CERS6: variants seen among roughly 807,000 people sequenced by gnomAD.
The protein encoded by CERS6 is LAG1 homolog, ceramide synthase 6.
A neutral mutation model predicts 56.8 loss-of-function variants in CERS6; 26 were observed. That is an observed-to-expected ratio of 0.46 (90% confidence interval 0.34 to 0.63). The LOEUF (loss-of-function observed/expected upper bound fraction) is 0.63, where lower values mean the gene tolerates loss of function less well. Ranked by LOEUF, CERS6 falls within the 30% of genes least tolerant of loss-of-function variation. The pLI, the probability that CERS6 is intolerant of heterozygous loss-of-function variation, is 0.01. For missense variants in CERS6, 415 were observed against 467.5 expected, an observed-to-expected ratio of 0.89 and a Z score of 1.04; for synonymous variants, 164 against 173.3, an observed-to-expected ratio of 0.95 and a Z score of 0.42.
chr2:168,539,681 G>A (rs1259768034), intron 1 of CERS6, among the ~76,000 whole-genome samples: 2 of 152,182 alleles, frequency 1.3e-5, no homozygotes, highest in Non-Finnish European at 2.9e-5. Context: ...GTTCTGGTCA[G>A]TTTTAAATTG....
chr2:168,561,276 C>T lies in CERS6; in HGVS notation c.361C>T (p.Arg121Cys), dbSNP rs187342645. The stretch of plus-strand genomic sequence containing the variant: ...CATTCAGCGCTGGTTTCGACAAAGA[C>T]GCAATCAGGAGAAGCCAAGCACGCT... Reference protein sequence around the residue: ...RSIQRWFRQRRNQEKPSTLTR... With the variant: ...RSIQRWFRQRCNQEKPSTLTR... The change falls in exon 3 of 10, where the codon CGC becomes TGC. Residue 121 changes from arginine to cysteine, a missense_variant. Transcript: ENST00000305747. 8.8e-5 allele frequency: 142 copies of T among 1,614,122 alleles called. No individual in the cohort carries two copies. The highest frequency in any genetic ancestry group is 6.6e-4 in the Middle Eastern group (4 of 6,060).
chr2:168,458,102 T>G (rs534405371), intron 1 of CERS6, among the ~76,000 whole-genome samples: 7 of 152,146 alleles, frequency 4.6e-5, no homozygotes, highest in Non-Finnish European at 8.8e-5. Flanking sequence ...ACAGAAAATA[T>G]GAACTCTATA....
At chr2:168,563,458 A>G (rs1050696033) in intron 3 of CERS6, among the ~76,000 whole-genome samples, 1 of 152,228 alleles carries the variant, frequency 6.6e-6, no homozygotes, top group Non-Finnish European at 1.5e-5. Flanking sequence ...TGGAAATAAG[A>G]CATAATATCT....
At chr2:168,674,333 G>C (rs1477744058) in intron 4 of CERS6, among the ~76,000 whole-genome samples, 2 of 152,088 alleles carry the variant, frequency 1.3e-5, no homozygotes, top group Non-Finnish European at 2.9e-5. Context: ...TTATCTCAAA[G>C]GCCATCCCTT....
At chr2:168,635,458 A>ATC (rs1559029968) in intron 4 of CERS6, among the ~76,000 whole-genome samples, 2 of 151,948 alleles carry the variant, frequency 1.3e-5, no homozygotes, top group Admixed American at 6.6e-5. Context: ...AGCAAGTCCC[A>ATC]TCTTCCTCTT....
At chr2:168,578,775 T>TA (rs1683339025) in intron 3 of CERS6, among the ~76,000 whole-genome samples, 1 of 152,092 alleles carries the variant, frequency 6.6e-6, no homozygotes, top group African/African-American at 2.4e-5. Context: ...AATAAGCAAA[T>TA]AAAAACCGTA....
intron 4 of CERS6, among the ~76,000 whole-genome samples, chr2:168,681,429 A>G (rs866217305): frequency 4.3e-4 from 66 of 152,378 alleles, no homozygotes; most frequent in Middle Eastern, 3.4e-3. Context: ...GTGGCAGTGT[A>G]TTATTAACAC....
At chr2:168,502,267 G>C (rs896251645) in intron 1 of CERS6, among the ~76,000 whole-genome samples, 1 of 152,094 alleles carries the variant, frequency 6.6e-6, no homozygotes, top group African/African-American at 2.4e-5. Flanking sequence ...TGTCTCGGGG[G>C]TTGAAAGAAC....
chr2:168,666,045 C>G (rs1685752757), intron 4 of CERS6, among the ~76,000 whole-genome samples: 3 of 148,060 alleles, frequency 2.0e-5, no homozygotes, highest in Non-Finnish European at 3.0e-5. Context: ...TCCCATATAC[C>G]CTTCACCCTG....
chr2:168,489,984 T>C (rs1558969316), intron 1 of CERS6, among the ~76,000 whole-genome samples: 1 of 152,290 alleles, frequency 6.6e-6, no homozygotes, highest in East Asian at 1.9e-4. Context: ...AAAATTTCTT[T>C]TAGCAGGCAA....
chr2:168,570,129 G>T (rs1262872687), intron 3 of CERS6, among the ~76,000 whole-genome samples: 3 of 152,168 alleles, frequency 2.0e-5, no homozygotes, highest in Admixed American at 6.6e-5. Flanking sequence ...CCAAGAAGAT[G>T]CAAGGAGAGC....
At chr2:168,630,839 A>G in intron 3 of CERS6, 146 bp from the exon 4 acceptor site, 3 of 432,854 alleles carry the variant, frequency 6.9e-6, no homozygotes, top group East Asian at 7.1e-5. Context: ...TTCAGCTAGC[A>G]CTGAAATTGC....
intron 4 of CERS6, among the ~76,000 whole-genome samples, chr2:168,686,871 A>G (rs1342281323): frequency 6.6e-6 from 1 of 152,232 alleles, no homozygotes; most frequent in Non-Finnish European, 1.5e-5. Flanking sequence ...AAGCTACTGT[A>G]TATAAAAGTA....
rs780263043 is a variant in CERS6 at position 168,456,651 on chromosome 2, C to G, written c.170+33C>G. ...GGGCTGAAGCCCCTCCTCCCCTCCC[C>G]CTGCGCACACACACGCGCGCACACA... On this transcript the variant is annotated intron_variant, in intron 1 of 9. Transcript: ENST00000305747. The surrounding 1 kb of genome is among the most constrained non-coding windows in gnomAD (Gnocchi z 4.1). 2.5e-6 allele frequency: 4 copies of G among 1,601,488 alleles called. No individual in the cohort carries two copies. The South Asian group carries it at 4.4e-5, about 18-fold the overall frequency.
At chr2:168,740,825 G>T (rs1286685697) in intron 8 of CERS6, among the ~76,000 whole-genome samples, 1 of 152,164 alleles carries the variant, frequency 6.6e-6, no homozygotes, top group Non-Finnish European at 1.5e-5. Context: ...TTTAAAACAA[G>T]GTCTAAATGG....
chr2:168,677,219 C>A (rs1574152541), intron 4 of CERS6, among the ~76,000 whole-genome samples: 1 of 151,802 alleles, frequency 6.6e-6, no homozygotes, highest in Admixed American at 6.6e-5. Context: ...TCTCCCTGTG[C>A]CCATATGTTC....
chr2:168,544,796 T>C (rs1695433863), intron 1 of CERS6, among the ~76,000 whole-genome samples: 1 of 45,962 alleles, frequency 2.2e-5, no homozygotes, highest in African/African-American at 5.4e-5. Flanking sequence ...GTGCACGTGG[T>C]GCTGGGAACA....
At chr2:168,619,608 G>C (rs1684411837) in intron 3 of CERS6, among the ~76,000 whole-genome samples, 1 of 152,030 alleles carries the variant, frequency 6.6e-6, no homozygotes, top group Non-Finnish European at 1.5e-5. Flanking sequence ...AGGAAAAAAT[G>C]CTCAACATCA....
rs1250568779 is a variant in CERS6, at chr2:168,772,783, G to T, written c.*3121G>T. 2.0e-5 allele frequency: 3 copies of T among 152,586 alleles called. No individual in the cohort carries two copies. The highest frequency in any genetic ancestry group is 4.8e-5 in the African/African-American group (2 of 41,430). The allele number at this position is 152,586 out of a possible 1,614,324, so 9.5% of individuals were successfully genotyped here. A position where few individuals can be genotyped will look rare whatever the true frequency, so the allele number is the denominator to read the frequency against. On this transcript the variant is annotated 3_prime_UTR_variant, in exon 10 of 10. Transcript: ENST00000305747. ...CAGATGATTGCTGCTTTACCCCAGG[G>T]TTTATTAGCATCCTACTTCTGCTGG...
Sources: allele counts gnomAD v4.1 joint callset (sites outside exome capture counted in the v4.1 genomes callset), GRCh38; gene constraint gnomAD v4.1.1; non-coding constraint Gnocchi (gnomAD v3.1); transcripts MANE v1.5; gene names NCBI Gene and HGNC (gene_info 2026-07-23, HGNC 2026-07-21).